The following MTUS2 variants were observed in gnomAD, a reference collection of about 807,000 sequenced individuals.
The protein encoded by MTUS2 is microtubule associated scaffold protein 2, also known as microtubule-associated tumor suppressor candidate 2.
A neutral mutation model predicts 114.1 loss-of-function variants in MTUS2; 40 were observed. That is an observed-to-expected ratio of 0.35 (90% confidence interval 0.27 to 0.46). The LOEUF is 0.46. Ranked by LOEUF, MTUS2 falls within the 20% of genes least tolerant of loss-of-function variation. The pLI is 1.00. For synonymous variants in MTUS2, 688 were observed against 672.0 expected, an observed-to-expected ratio of 1.02 and a Z score of -0.37; for missense variants, 1,679 against 1,705.4, an observed-to-expected ratio of 0.98 and a Z score of 0.27.
chr13:29,490,102 A>G (rs1288566820), intron 11 of MTUS2: 4 of 152,214 alleles, frequency 2.6e-5, no homozygotes, highest in Non-Finnish European at 5.9e-5. Context: ...ATTTATTATT[A>G]TGGTCAGGAT....
At chr13:29,229,811 T>C (rs1896253169) in intron 5 of MTUS2, among the ~76,000 whole-genome samples, 1 of 152,234 alleles carries the variant, frequency 6.6e-6, no homozygotes, top group Non-Finnish European at 1.5e-5. Flanking sequence ...TTATTTAGAT[T>C]AAACTTATAT....
intron 2 of MTUS2, among the ~76,000 whole-genome samples, chr13:28,956,390 C>A (rs56315021): frequency 0.036 from 5,431 of 152,200 alleles, 167 homozygotes; most frequent in Non-Finnish European, 0.046. Flanking sequence ...AATAGGGCGG[C>A]AGCAACCCAG....
At chr13:28,968,557 C>T (rs1245958054) in intron 2 of MTUS2, among the ~76,000 whole-genome samples, 3 of 151,890 alleles carry the variant, frequency 2.0e-5, no homozygotes, top group African/African-American at 7.2e-5. Context: ...TTCAACTTAA[C>T]AGGTTAGAAC....
intron 4 of MTUS2, among the ~76,000 whole-genome samples, chr13:29,057,740 T>G (rs902704321): frequency 6.6e-6 from 1 of 152,160 alleles, no homozygotes; most frequent in Non-Finnish European, 1.5e-5. Context: ...CAGGTTTTAG[T>G]CCTTTATCTA....
chr13:29,117,343 TG>T (rs1427427105), intron 5 of MTUS2, among the ~76,000 whole-genome samples: 2 of 152,174 alleles, frequency 1.3e-5, no homozygotes, highest in Non-Finnish European at 2.9e-5. Context: ...GCTGGACCCC[TG>T]TCATTCTTAT....
intron 12 of MTUS2, among the ~76,000 whole-genome samples, chr13:29,494,267 G>T (rs530656355): frequency 6.6e-6 from 1 of 152,320 alleles, no homozygotes; most frequent in South Asian, 2.1e-4. Flanking sequence ...AACAAGCATT[G>T]TTACATTTAT....
intron 2 of MTUS2, among the ~76,000 whole-genome samples, chr13:28,894,527 GAGCC>G (rs1469777266): frequency 4.6e-5 from 7 of 152,154 alleles, no homozygotes; most frequent in Admixed American, 3.9e-4. Flanking sequence ...TCTGTTGTTT[GAGCC>G]AGCCAGTCTG....
At chr13:29,008,102 C>T (rs1053492866) in intron 2 of MTUS2, among the ~76,000 whole-genome samples, 5 of 152,176 alleles carry the variant, frequency 3.3e-5, no homozygotes, top group African/African-American at 1.2e-4. Flanking sequence ...TAGCCATTTC[C>T]TCTTTCTCAT....
chr13:29,360,043 T>C (rs1870094570), intron 8 of MTUS2, among the ~76,000 whole-genome samples: 1 of 152,214 alleles, frequency 6.6e-6, no homozygotes, highest in South Asian at 2.1e-4. Context: ...TGCAAATGTC[T>C]GGATCTGTGT....
chr13:28,871,009 T>C (rs1198773445), intron 2 of MTUS2, among the ~76,000 whole-genome samples: 1 of 152,170 alleles, frequency 6.6e-6, no homozygotes, highest in Non-Finnish European at 1.5e-5. Context: ...GTGTTGGGAA[T>C]AGAAAGGTAT....
chr13:28,969,798 C>A (rs187754902), intron 2 of MTUS2, among the ~76,000 whole-genome samples: 4 of 148,866 alleles, frequency 2.7e-5, no homozygotes, highest in African/African-American at 7.4e-5. Context: ...CCACTGCGCC[C>A]GGCTGAAGTT....
At chr13:29,103,150 T>G (rs1411786835) in intron 5 of MTUS2, among the ~76,000 whole-genome samples, 3 of 152,236 alleles carry the variant, frequency 2.0e-5, no homozygotes, top group Non-Finnish European at 4.4e-5. Context: ...GATTATGTCA[T>G]GCAGAGTAGA....
At chr13:29,139,614 A>G (rs555818286) in intron 5 of MTUS2, among the ~76,000 whole-genome samples, 6 of 152,074 alleles carry the variant, frequency 3.9e-5, no homozygotes, top group Non-Finnish European at 7.4e-5. Context: ...CCCTTTTACT[A>G]TCTCGTTATC....
chr13:29,504,500 A>G lies in MTUS2; in HGVS notation c.*1294A>G, dbSNP rs1242175781. ...GCACTTCCTGCTGGATGATCAGGCA[A>G]CGCTGCTGCTGACCGTGCTCCCATC... On this transcript the variant is annotated 3_prime_UTR_variant, in exon 16 of 16. Coordinates refer to ENST00000612955, the MANE Select transcript of MTUS2 (RefSeq NM_001033602.4). 1 of 232,704 alleles carries G rather than the reference A, an allele frequency of 4.3e-6. No homozygotes were observed. The highest frequency in any genetic ancestry group is 1.8e-4 in the South Asian group (1 of 5,486). 14.4% of individuals were successfully genotyped at this position (232,704 alleles called of 1,614,324 possible).
intron 8 of MTUS2, among the ~76,000 whole-genome samples, chr13:29,376,604 C>T (rs1871767321): frequency 6.6e-6 from 1 of 152,080 alleles, no homozygotes; most frequent in Non-Finnish European, 1.5e-5. Context: ...CCAGGGGTGA[C>T]ACATATTTCA....
rs142138755 is a variant in MTUS2, at chr13:29,278,871, A to G, written c.2645-2833A>G. On this transcript the variant is annotated intron_variant, in intron 5 of 15. Transcript: ENST00000612955. ...CTCTTTAGTCTTTCATCCTACAGGTATTATCAGATTTACCTCAATCCTTTC... is the reference window on the plus strand; with the variant it reads ...CTCTTTAGTCTTTCATCCTACAGGTGTTATCAGATTTACCTCAATCCTTTC... Among the ~76,000 whole-genome samples, 482 of 152,286 alleles carry G rather than the reference A, an allele frequency of 3.2e-3. 3 individuals are homozygous for G. Among genetic ancestry groups the G allele is most frequent in the African/African-American group, 0.011 (466 of 41,552 alleles).
chr13:28,891,849 ACT>A (rs574458856), intron 2 of MTUS2, among the ~76,000 whole-genome samples: 165 of 124,018 alleles, frequency 1.3e-3, no homozygotes, highest in African/African-American at 4.9e-3. Flanking sequence ...CTGCACAGAG[ACT>A]CTGTCTCAAA....
At chr13:28,976,203 CAAA>C (rs71090215) in intron 2 of MTUS2, among the ~76,000 whole-genome samples, 11 of 90,170 alleles carry the variant, frequency 1.2e-4, no homozygotes, top group Admixed American at 4.5e-4. Flanking sequence ...GACCTTGTCT[CAAA>C]AAAAAAAAAA....
intron 5 of MTUS2, among the ~76,000 whole-genome samples, chr13:29,122,130 C>T (rs893120344): frequency 1.3e-5 from 2 of 152,084 alleles, no homozygotes; most frequent in Non-Finnish European, 1.5e-5. Context: ...AAAAACAGCC[C>T]CTGGATTGAG....
Sources: gnomAD v4.1 joint callset for allele counts (sites outside exome capture counted in the v4.1 genomes callset) on GRCh38, gnomAD v4.1.1 for gene constraint, MANE v1.5 for transcripts, NCBI Gene and HGNC (gene_info 2026-07-23, HGNC 2026-07-21) for gene names.